The following PBX1 variants were observed in gnomAD, a reference collection of about 807,000 sequenced individuals.
PBX1 encodes PBX homeobox 1, also known as pre-B-cell leukemia transcription factor 1.
A neutral mutation model predicts 53.4 loss-of-function variants in PBX1; 6 were observed. The ratio of observed to expected loss-of-function variants is 0.11; its 90% CI spans 0.06 to 0.22. The LOEUF (loss-of-function observed/expected upper bound fraction) is 0.22, where lower values mean the gene tolerates loss of function less well. Among genes scored for constraint, PBX1 ranks in the 10% least tolerant of loss-of-function variants. PBX1 has a pLI of 1.00. For missense variants in PBX1, 251 were observed against 551.4 expected, an observed-to-expected ratio of 0.46 and a Z score of 5.46; for synonymous variants, 204 against 212.3, an observed-to-expected ratio of 0.96 and a Z score of 0.34.
intron 2 of PBX1, among the ~76,000 whole-genome samples, chr1:164,616,844 ATCC>A (rs1232990059): frequency 3.3e-5 from 5 of 152,194 alleles, no homozygotes. Flanking sequence ...ATTTCACATA[ATCC>A]TCATAATAAT....
At chr1:164,736,528 C>T (rs905707075) in intron 2 of PBX1, among the ~76,000 whole-genome samples, 1 of 152,156 alleles carries the variant, frequency 6.6e-6, no homozygotes, top group Non-Finnish European at 1.5e-5. Context: ...GAGAAAAATT[C>T]ATTCCTCTGT....
At chr1:164,818,760 C>T (rs1327058341) in intron 6 of PBX1, 1 of 151,674 alleles carries the variant, frequency 6.6e-6, no homozygotes, top group East Asian at 1.9e-4. Context: ...ATAAACAGTG[C>T]ATTGTGTCAG....
At chr1:164,671,121 A>G (rs974091590) in intron 2 of PBX1, among the ~76,000 whole-genome samples, 1 of 151,972 alleles carries the variant, frequency 6.6e-6, no homozygotes, top group African/African-American at 2.4e-5. Flanking sequence ...CGATTCAGTT[A>G]TTCTGCACCG....
At chr1:164,563,341 T>C in intron 2 of PBX1, 30 bp downstream of exon 2, 1 of 1,472,356 alleles carries the variant, frequency 6.8e-7, no homozygotes, top group Non-Finnish European at 9.5e-7. Context: ...ATTTTAGCAT[T>C]TTCTTTGGCC....
chr1:164,827,404 G>C (rs182376513), intron 8 of PBX1, among the ~76,000 whole-genome samples: 1 of 152,284 alleles, frequency 6.6e-6, no homozygotes, highest in East Asian at 1.9e-4. Context: ...CTGGTGCTAT[G>C]ACCAGGAACT....
At position 164,849,260 on chromosome 1, in the gene PBX1, C is replaced by T. The variant is rs1443761305; in HGVS notation, c.*2584C>T. ...TACATTTGCACAGGCAGTTTCTCTC[C>T]GGGCCGTAGTTTTCACTGATGATCA... is the stretch of plus-strand genomic sequence containing the variant. On this transcript the variant is annotated 3_prime_UTR_variant, in exon 9 of 9. Coordinates refer to ENST00000420696, the MANE Select transcript of PBX1 (RefSeq NM_002585.4). 1.0e-5 allele frequency: 16 copies of T among 1,525,026 alleles called. No individual in the cohort carries two copies. Among genetic ancestry groups the T allele is most frequent in the Admixed American group, 5.9e-5 (3 of 50,480 alleles). The allele number at this position is 1,525,026 out of a possible 1,614,324, so 94.5% of individuals were successfully genotyped here.
At chr1:164,870,347 TTCTTTCTTTCTTTCGA>T (rs1672349586) in intron 2 of PBX1, among the ~76,000 whole-genome samples, 1 of 112,866 alleles carries the variant, frequency 8.9e-6, no homozygotes, top group Non-Finnish European at 1.9e-5. Flanking sequence ...CTTTCTTTCT[TTCTTTCTTTCTTTCGA>T]GATGAAGTCT....
intron 2 of PBX1, among the ~76,000 whole-genome samples, chr1:164,775,068 A>G (rs1268253337): frequency 6.6e-6 from 1 of 152,070 alleles, no homozygotes; most frequent in Non-Finnish European, 1.5e-5. Flanking sequence ...TACACCGAGG[A>G]AGCTCGCTTA....
intron 8 of PBX1, among the ~76,000 whole-genome samples, chr1:164,824,229 A>G (rs1571477734): frequency 6.6e-6 from 1 of 152,316 alleles, no homozygotes; most frequent in East Asian, 1.9e-4. Flanking sequence ...TAAGCCCTGT[A>G]AAGTTCAGAC....
At chr1:164,796,128 A>G (rs971708081) in intron 3 of PBX1, among the ~76,000 whole-genome samples, 1 of 151,554 alleles carries the variant, frequency 6.6e-6, no homozygotes, top group Non-Finnish European at 1.5e-5. Context: ...TCCTGCCTCA[A>G]CCACCCAAGC....
intron 2 of PBX1, among the ~76,000 whole-genome samples, chr1:164,602,118 T>C (rs1656215860): frequency 6.6e-6 from 1 of 152,236 alleles, no homozygotes; most frequent in South Asian, 2.1e-4. Flanking sequence ...GTGTTTTGGC[T>C]GAGACTGATT....
chr1:164,760,210 G>A (rs1666736577), intron 2 of PBX1, among the ~76,000 whole-genome samples: 1 of 152,134 alleles, frequency 6.6e-6, no homozygotes, highest in Non-Finnish European at 1.5e-5. Context: ...CACACATTCA[G>A]CAGCCCTGAT....
chr1:164,776,723 G>T (rs1667665682), intron 2 of PBX1, among the ~76,000 whole-genome samples: 1 of 152,114 alleles, frequency 6.6e-6, no homozygotes, highest in African/African-American at 2.4e-5. Context: ...AGCCTAACTT[G>T]AGCAATAAAA....
chr1:164,636,158 T>C (rs1025106012), intron 2 of PBX1, among the ~76,000 whole-genome samples: 6 of 150,870 alleles, frequency 4.0e-5, no homozygotes, highest in East Asian at 2.0e-4. Flanking sequence ...CTCTCTCTCT[T>C]TTTTTTTTCT....
intron 2 of PBX1, among the ~76,000 whole-genome samples, chr1:164,755,954 A>C (rs2102208266): frequency 6.7e-6 from 1 of 149,838 alleles, no homozygotes; most frequent in East Asian, 2.0e-4. Context: ...GGCCCAAGGT[A>C]GCCTCCTGGT....
intron 2 of PBX1, among the ~76,000 whole-genome samples, chr1:164,756,835 A>G: frequency 6.6e-6 from 1 of 152,254 alleles, no homozygotes; most frequent in East Asian, 1.9e-4. Flanking sequence ...TAATATAGCA[A>G]CATAGCAAAA....
At position 164,850,929 on chromosome 1, in the gene PBX1, G is replaced by A. The variant is rs1453463821; in HGVS notation, c.*4253G>A. 1.9e-5 allele frequency: 4 copies of A among 212,948 alleles called. No individual in the cohort carries two copies. Among genetic ancestry groups the A allele is most frequent in the African/African-American group, 4.5e-5 (2 of 44,172 alleles). 13.2% of individuals were successfully genotyped at this position (212,948 alleles called of 1,614,324 possible). A position where few individuals can be genotyped will look rare whatever the true frequency, so the allele number is the denominator to read the frequency against. On this transcript the variant is annotated 3_prime_UTR_variant, in exon 9 of 9. Transcript: ENST00000420696. The stretch of plus-strand genomic sequence containing the variant: ...CCATGAGGCCTCTTCCAACCAAAGA[G>A]GCCTTTTCTTCCAGGAGAGTCCCGC...
At position 164,705,749 on chromosome 1, in the gene PBX1, G is replaced by T. The variant is rs544636794; in HGVS notation, c.266-86745G>T. ...TTTCTCATTTGACAAGTTCAATTTT[G>T]AGGTACCATCAACTTGCCTTTAATT... On this transcript the variant is annotated intron_variant, in intron 2 of 8. Coordinates refer to ENST00000420696, the MANE Select transcript of PBX1 (RefSeq NM_002585.4). Among the ~76,000 whole-genome samples the T allele has an allele frequency of 2.6e-5, 4 of 152,298 alleles. No individual in the cohort carries two copies. In the East Asian group the frequency reaches 5.8e-4, roughly 22 times the overall value.
chr1:164,673,311 A>G (rs1370957620), intron 2 of PBX1, among the ~76,000 whole-genome samples: 3 of 152,092 alleles, frequency 2.0e-5, no homozygotes, highest in Non-Finnish European at 4.4e-5. Flanking sequence ...CTCCCCAGAA[A>G]GGGTTGGAGT....
Sources: allele counts gnomAD v4.1 joint callset (sites outside exome capture counted in the v4.1 genomes callset), GRCh38; gene constraint gnomAD v4.1.1; transcripts MANE v1.5; gene names NCBI Gene and HGNC (gene_info 2026-07-23, HGNC 2026-07-21).